Variants in FGA observed in about 807,000 individuals in gnomAD.
The protein encoded by FGA is fibrinogen alpha chain.
Under a neutral mutation model 20.3 loss-of-function variants are expected in FGA, and 20 were observed. The observed-to-expected ratio is 0.99, with a 90% CI of 0.69 to 1.43. The LOEUF (loss-of-function observed/expected upper bound fraction) is 1.43. Ranked by LOEUF, FGA falls within the 40% of genes most tolerant of loss-of-function variation. FGA has a pLI of 0.00. For missense variants in FGA, 777 were observed against 784.7 expected (o/e 0.99, Z 0.12); for synonymous variants, 306 against 281.6 (o/e 1.09, Z -0.87).
chr4:154,588,925 T>C lies in FGA; in HGVS notation c.232A>G (p.Asn78Asp), dbSNP rs1485772303. ...CRMKGLIDEV[N>D]QDFTNRINKL... ...TTTATTCTGTTTGTAAAATCTTGAT[T>C]GACTTCATCAATCAACCCTTTCATC... Residue 78 changes from asparagine to aspartate, a missense_variant, in exon 3 of 5, where the codon AAT becomes GAT. Coordinates refer to ENST00000403106, the MANE Select transcript of FGA (RefSeq NM_021871.4). The C allele has an allele frequency of 6.2e-7, 1 of 1,613,786 alleles. No individual in the cohort carries two copies. The highest frequency in any genetic ancestry group is 8.5e-7 in the Non-Finnish European group (1 of 1,179,778).
Position 154,586,160 on chromosome 4 carries a change from C to T in FGA, c.1269G>A (p.Gly423=). The change falls in exon 5 of 5, where the codon GGG becomes GGA. Residue 423 remains glycine, a synonymous_variant. Transcript: ENST00000403106. The stretch of plus-strand genomic sequence containing the variant: ...TTTCTGTGTGGTACTCTCTCCTTGT[C>T]CCTGGACTTACATTTCCTGACACCT... ...FEEVSGNVSP[G]TRREYHTEKL... is the part of the protein sequence containing the mutation. 6.2e-7 allele frequency: 1 copy of T among 1,614,168 alleles called. No individual in the cohort carries two copies. Among genetic ancestry groups the T allele is most frequent in the African/African-American group, 1.3e-5 (1 of 75,034 alleles).
At chr4:154,584,690 T>C (rs1411023553), downstream of FGA, 11 of 1,614,006 alleles carry the variant, frequency 6.8e-6, no homozygotes, top group Non-Finnish European at 9.3e-6. Context: ...GATCCATCCA[T>C]TCTTTGCTGG....
chr4:154,587,021 A>G, intron 4 of FGA, 103 bp from the exon 5 acceptor site: 1 of 1,193,100 alleles, frequency 8.4e-7, no homozygotes, highest in East Asian at 2.5e-5. Flanking sequence ...AACTGGTTTC[A>G]TTTTTTTTGA....
intron 1 of FGA, 118 bp from the exon 2 acceptor site, chr4:154,589,680 G>C (rs2110820640): frequency 8.6e-7 from 1 of 1,159,504 alleles, no homozygotes; most frequent in South Asian, 1.2e-5. Context: ...AGATTAAGGA[G>C]AGCAGACACA....
In FGA at chr4:154,586,232, G is replaced by A. The variant is rs751773097; in HGVS notation, c.1197C>T (p.Gly399=). ...ESGSFRPDSP[G]SGNARPNNPD... is the part of the protein sequence containing the mutation. ...GGTTGTTAGGCCTCGCGTTCCCAGA[G>A]CCTGGGCTATCTGGCCTAAAACTTC... The change falls in exon 5 of 5, where the codon GGC becomes GGT. Residue 399 remains glycine, a synonymous_variant. Transcript: ENST00000403106. 1.2e-6 allele frequency: 2 copies of A among 1,614,078 alleles called. No individual in the cohort carries two copies. The highest frequency in any genetic ancestry group is 1.1e-5 in the South Asian group (1 of 91,070).
rs570105943 is a variant in FGA at position 154,587,060 on chromosome 4, G to T, written c.511-142C>A. ...GGAGACCTACCACTTAATATTCTCT[G>T]TTTTCTGCCTATCGAGCACCCTCAG... On this transcript the variant is annotated intron_variant, in intron 4 of 4. Transcript: ENST00000403106. 3.6e-6 allele frequency: 3 copies of T among 822,534 alleles called. No homozygotes were observed. The South Asian group carries it at 4.8e-5, about 13-fold the overall frequency. 51.0% of individuals were successfully genotyped at this position (822,534 alleles called of 1,614,324 possible). A position where few individuals can be genotyped will look rare whatever the true frequency, so the allele number is the denominator to read the frequency against.
chr4:154,585,876 G>T lies in FGA; in HGVS notation c.1553C>A (p.Ala518Asp), dbSNP rs749766416. 1.7e-5 allele frequency: 27 copies of T among 1,614,016 alleles called. No individual in the cohort carries two copies. Among genetic ancestry groups the T allele is most frequent in the Non-Finnish European group, 2.2e-5 (26 of 1,179,990 alleles). ...GFRHRHPDEA[A>D]FFDTASTGKT... ...TCCAGTTGAGGCAGTGTCGAAGAAG[G>T]CAGCTTCATCAGGGTGCCTATGGCG... Residue 518 changes from alanine to aspartate, a missense_variant, in exon 5 of 5, where the codon GCC (alanine) becomes GAC (aspartate). Coordinates refer to ENST00000403106, the MANE Select transcript of FGA (RefSeq NM_021871.4).
chr4:154,583,429 CTTT>C (rs575981036), downstream of FGA: 1 of 151,842 alleles, frequency 6.6e-6, no homozygotes. Context: ...TGAATTATGT[CTTT>C]TTTTAATATT....
chr4:154,588,983 G>T lies in FGA; in HGVS notation c.181-7C>A, dbSNP rs1429269326. On this transcript the variant is annotated splice_polypyrimidine_tract_variant and splice_region_variant and intron_variant, in intron 2 of 4. Transcript: ENST00000403106. ...CAGAAGGGCATTTGTAGTTCTGAAAGTGAAGGGAGAAAATTACAGTAAGGA... is the reference window on the plus strand; with the variant it reads ...CAGAAGGGCATTTGTAGTTCTGAAATTGAAGGGAGAAAATTACAGTAAGGA... The T allele has an allele frequency of 6.2e-7, 1 of 1,609,834 alleles. No individual in the cohort carries two copies. The highest frequency in any genetic ancestry group is 8.5e-7 in the Non-Finnish European group (1 of 1,176,266).
At chr4:154,587,766 A>AGAAG (rs1434212803) in intron 3 of FGA, 109 bp from the exon 4 acceptor site, 29 of 666,756 alleles carry the variant, frequency 4.3e-5, no homozygotes, top group African/African-American at 4.3e-4. Context: ...AAAGAAAGAA[A>AGAAG]GAAAGAAAGA....
intron 1 of FGA, among the ~76,000 whole-genome samples, chr4:154,589,787 A>T (rs757440141): frequency 1.5e-4 from 23 of 152,202 alleles, no homozygotes; most frequent in Admixed American, 2.6e-4. Context: ...AAGGTGTACA[A>T]ATTTCTTAAC....
At chr4:154,584,932 C>T (rs1376098381), downstream of FGA, 5 of 947,618 alleles carry the variant, frequency 5.3e-6, no homozygotes, top group Non-Finnish European at 8.2e-6. Context: ...TGTTTCTTTC[C>T]CTTCCTTTCT....
chr4:154,584,096 A>AGAGTGCTCCCATTCCCACTTCGAAGACG, downstream of FGA: 1 of 1,550,134 alleles, frequency 6.5e-7, no homozygotes, highest in Non-Finnish European at 8.9e-7. Context: ...CAAAGAAGAC[A>AGAGTGCTCCCATTCCCACTTCGAAGACG]GAGTGCTCCC....
rs121909614 is a variant in FGA, at chr4:154,589,501, A to G, written c.116T>C (p.Val39Ala). 13 of 1,613,766 alleles carry G rather than the reference A, an allele frequency of 8.1e-6. No individual in the cohort carries two copies. The highest frequency in any genetic ancestry group is 1.1e-5 in the Non-Finnish European group (13 of 1,179,948). Residue 39 changes from valine (V) to alanine (A), a missense_variant, in exon 2 of 5, where the codon GTT becomes GCT. Coordinates refer to ENST00000403106, the MANE Select transcript of FGA (RefSeq NM_021871.4). ...GCAGGCAGATTGATGTCTTTCCACA[A>G]CCCTTGGGCCACGCACGCCTCCTCC... is the stretch of plus-strand genomic sequence containing the variant. Reference protein sequence around the residue: ...AEGGGVRGPRVVERHQSACKD... With the variant: ...AEGGGVRGPRAVERHQSACKD...
rs60443975 is a variant in FGA at position 154,587,745 on chromosome 4, GAGAAAGAAAGAAAGAAAGAAAGAA to G, written c.365-112_365-89del. On this transcript the variant is annotated intron_variant, in intron 3 of 4. Transcript: ENST00000403106. ...AAAAGAAAGGAAGAAAGGAAGGAAGGAGAAAGAAAGAAAGAAAGAAAGAAAGAAAGAAAGAAAGAAAGAAAGAAA... is the reference window on the plus strand; with the variant it reads ...AAAAGAAAGGAAGAAAGGAAGGAAGGAGAAAGAAAGAAAGAAAGAAAGAAA... 2.0e-4 allele frequency: 107 copies of G among 524,222 alleles called. 1 individual carries two copies. Among genetic ancestry groups the G allele is most frequent in the East Asian group, 9.2e-4 (25 of 27,206 alleles). 32.5% of individuals were successfully genotyped at this position (524,222 alleles called of 1,614,324 possible). A position where few individuals can be genotyped will look rare whatever the true frequency, so the allele number is the denominator to read the frequency against.
rs760669110 is a variant in FGA at position 154,585,583 on chromosome 4, T to A, written c.1846A>T (p.Thr616Ser). ...GCATGGCCTCTCTTGGTGCTATGTGTTCCTTCATGATCGGCTTCACTTCCG... is the reference window on the plus strand; with the variant it reads ...GCATGGCCTCTCTTGGTGCTATGTGATCCTTCATGATCGGCTTCACTTCCG... ...EAGSEADHEGTHSTKRGHAKS... is the reference protein window; with the variant it reads ...EAGSEADHEGSHSTKRGHAKS... Residue 616 changes from threonine to serine, a missense_variant, in exon 5 of 5, where the codon ACA becomes TCA. Physicochemically the swap from Thr to Ser is moderately conservative, Grantham distance 58. Coordinates refer to ENST00000403106, the MANE Select transcript of FGA (RefSeq NM_021871.4). 3.1e-6 allele frequency: 5 copies of A among 1,614,040 alleles called. No homozygotes were observed. Among genetic ancestry groups the A allele is most frequent in the Non-Finnish European group, 4.2e-6 (5 of 1,180,012 alleles).
In FGA at chr4:154,586,547, G is replaced by A; in HGVS notation, c.882C>T (p.Ser294=). The stretch of plus-strand genomic sequence containing the variant: ...CAGGTCCAGAGCTCCCAGAGTTCCA[G>A]CTTCCAGCACTGCTAGGGTTCCTGG... ...ESPRNPSSAG[S]WNSGSSGPGS... Residue 294 remains serine (S), a synonymous_variant, in exon 5 of 5, where the codon AGC becomes AGT. Coordinates refer to ENST00000403106, the MANE Select transcript of FGA (RefSeq NM_021871.4). 1 of 1,614,144 alleles carries A rather than the reference G, an allele frequency of 6.2e-7. No individual in the cohort carries two copies. The highest frequency in any genetic ancestry group is 1.1e-5 in the South Asian group (1 of 91,076).
intron 3 of FGA, 127 bp from the exon 4 acceptor site, chr4:154,587,784 A>AAAGG (rs1316948982): frequency 1.4e-6 from 1 of 727,490 alleles, no homozygotes; most frequent in African/African-American, 1.8e-5. Flanking sequence ...AGAAAGAAAG[A>AAAGG]AAGAAAGAAA....
At position 154,585,955 on chromosome 4, in the gene FGA, G is replaced by A. The variant is rs1282884412; in HGVS notation, c.1474C>T (p.Pro492Ser). The change falls in exon 5 of 5, where the codon CCC becomes TCC. Residue 492 changes from proline (P) to serine (S), a missense_variant. Physicochemically the swap from Pro to Ser is moderately conservative, Grantham distance 74 (BLOSUM62 -1). Coordinates refer to ENST00000403106, the MANE Select transcript of FGA (RefSeq NM_021871.4). ...AATGTGCCTAAATCCATTGCCTCGG[G>A]ACAGTCAGAACCATCTTCGGAGGTC... ...VVTSEDGSDC[P>S]EAMDLGTLSG... is the part of the protein sequence containing the mutation. The A allele has an allele frequency of 1.9e-6, 3 of 1,614,046 alleles. No homozygotes were observed. The highest frequency in any genetic ancestry group is 1.3e-5 in the African/African-American group (1 of 74,908).
Sources: allele counts gnomAD v4.1 joint callset (sites outside exome capture counted in the v4.1 genomes callset), GRCh38; gene constraint gnomAD v4.1.1; transcripts MANE v1.5; gene names NCBI Gene and HGNC (gene_info 2026-07-23, HGNC 2026-07-21).